PARD3: variants seen among roughly 807,000 people sequenced by gnomAD.
PARD3 encodes par-3 family cell polarity regulator.
PARD3 carries 75 observed loss-of-function variants against 155.4 expected under a neutral mutation model. The ratio of observed to expected loss-of-function variants is 0.48; its 90% CI spans 0.40 to 0.58. The LOEUF is 0.58. Ranked by LOEUF, PARD3 falls within the 20% of genes least tolerant of loss-of-function variation. The pLI is 0.00. For missense variants in PARD3, 1,642 were observed against 1,721.7 expected, an observed-to-expected ratio of 0.95 and a Z score of 0.82; for synonymous variants, 576 against 610.5, an observed-to-expected ratio of 0.94 and a Z score of 0.83.
rs142738209 is a variant in PARD3, at chr10:34,388,474, C to T, written c.891-4220G>A. ...TTCCTGAAAAATGTGTGCTCGCGAG[C>T]AGATACATTTCCATAGCCCTCATTT... On this transcript the variant is annotated intron_variant, in intron 7 of 24. Transcript: ENST00000374788. Among the ~76,000 whole-genome samples the T allele has an allele frequency of 3.6e-3, 552 of 152,228 alleles. 2 individuals carry two copies. The highest frequency in any genetic ancestry group is 0.013 in the African/African-American group (526 of 41,530).
intron 22 of PARD3, among the ~76,000 whole-genome samples, chr10:34,159,663 T>C (rs148921528): frequency 0.015 from 2,335 of 152,352 alleles, 19 homozygotes; most frequent in Non-Finnish European, 0.026. Flanking sequence ...TCCTTATCCA[T>C]TAGTGTATCT....
chr10:34,300,681 T>C (rs574921863), intron 20 of PARD3, among the ~76,000 whole-genome samples: 2 of 152,170 alleles, frequency 1.3e-5, no homozygotes, highest in African/African-American at 4.8e-5. Context: ...AGCTTGGACT[T>C]TGACAAAACA....
intron 2 of PARD3, among the ~76,000 whole-genome samples, chr10:34,590,689 G>A (rs2088598067): frequency 1.3e-5 from 2 of 152,052 alleles, no homozygotes; most frequent in Non-Finnish European, 2.9e-5. Context: ...TCACACTTAG[G>A]GCATCCTTCC....
At chr10:34,315,188 G>A (rs1957935105) in intron 20 of PARD3, among the ~76,000 whole-genome samples, 1 of 152,158 alleles carries the variant, frequency 6.6e-6, no homozygotes, top group Admixed American at 6.5e-5. Context: ...AAAGCATCAT[G>A]TAATGCTTGA....
intron 22 of PARD3, among the ~76,000 whole-genome samples, chr10:34,232,184 C>G (rs1051016496): frequency 6.6e-6 from 1 of 152,080 alleles, no homozygotes; most frequent in Non-Finnish European, 1.5e-5. Flanking sequence ...ATAGCAATAT[C>G]TAAATTATAC....
intron 19 of PARD3, among the ~76,000 whole-genome samples, chr10:34,326,126 A>T (rs1222065633): frequency 8.1e-6 from 1 of 123,966 alleles, no homozygotes; most frequent in African/African-American, 3.6e-5. Context: ...CACTCTTTCT[A>T]AAAAAAAAAA....
At chr10:34,164,224 T>G (rs1949418230) in intron 22 of PARD3, among the ~76,000 whole-genome samples, 2 of 152,174 alleles carry the variant, frequency 1.3e-5, no homozygotes, top group Admixed American at 6.5e-5. Context: ...TGTAACAACT[T>G]TGAAAGATGA....
intron 1 of PARD3, among the ~76,000 whole-genome samples, chr10:34,777,935 C>T (rs1839797359): frequency 6.6e-6 from 1 of 151,888 alleles, no homozygotes; most frequent in African/African-American, 2.4e-5. Context: ...CGCAAGGAGG[C>T]CTTTGGGAAA....
chr10:34,231,193 T>C (rs79064671), intron 22 of PARD3, among the ~76,000 whole-genome samples: 6,240 of 145,152 alleles, frequency 0.043, 496 homozygotes, highest in African/African-American at 0.15. Flanking sequence ...TACTCTATTC[T>C]TACAGGAAAA....
intron 22 of PARD3, among the ~76,000 whole-genome samples, chr10:34,147,670 C>T (rs1948581903): frequency 6.6e-6 from 1 of 151,430 alleles, no homozygotes; most frequent in African/African-American, 2.4e-5. Flanking sequence ...GAAAAAAATC[C>T]CAACTTAATA....
chr10:34,704,716 C>A (rs2133570068), intron 1 of PARD3, among the ~76,000 whole-genome samples: 1 of 152,312 alleles, frequency 6.6e-6, no homozygotes. Context: ...GTAGTGCTAT[C>A]TGATCATGTG....
intron 3 of PARD3, 44 bp downstream of exon 3, chr10:34,516,935 G>A: frequency 6.4e-7 from 1 of 1,565,136 alleles, no homozygotes; most frequent in Non-Finnish European, 8.8e-7. Flanking sequence ...TGGTATTCCT[G>A]TAAATTAAGA....
At chr10:34,145,217 ATATATT>A (rs1465040286) in intron 22 of PARD3, among the ~76,000 whole-genome samples, 52 of 57,944 alleles carry the variant, frequency 9.0e-4, no homozygotes, top group African/African-American at 3.2e-3. Context: ...ATATATATAT[ATATATT>A]TTTTTTTTTT....
At chr10:34,524,680 C>G (rs2082359621) in intron 2 of PARD3, among the ~76,000 whole-genome samples, 1 of 152,198 alleles carries the variant, frequency 6.6e-6, no homozygotes, top group Admixed American at 6.5e-5. Flanking sequence ...CACTGGTATC[C>G]ACCCATGAGG....
At chr10:34,193,654 G>A (rs1033654456) in intron 22 of PARD3, among the ~76,000 whole-genome samples, 4 of 152,158 alleles carry the variant, frequency 2.6e-5, no homozygotes, top group African/African-American at 9.7e-5. Context: ...TTTTAGCAAT[G>A]GGTAGTTTAT....
Position 34,363,924 on chromosome 10 carries a change from C to T in PARD3, c.1708-3665G>A, listed in dbSNP as rs111374578. On this transcript the variant is annotated intron_variant, in intron 12 of 24. Transcript: ENST00000374788. Reference sequence around the variant, plus strand: ...TAAAAGGGCACCTTTGCTAAGGAACCTGCTGAATGGGTATTGTGAAAGCTA... The same window carrying T: ...TAAAAGGGCACCTTTGCTAAGGAACTTGCTGAATGGGTATTGTGAAAGCTA... Among the ~76,000 whole-genome samples, 1,370 of 152,266 alleles carry T rather than the reference C, an allele frequency of 9.0e-3. 19 individuals carry two copies. Among genetic ancestry groups the T allele is most frequent in the African/African-American group, 0.031 (1,302 of 41,552 alleles).
At chr10:34,510,011 T>C (rs1051752183) in intron 3 of PARD3, among the ~76,000 whole-genome samples, 2 of 152,226 alleles carry the variant, frequency 1.3e-5, no homozygotes, top group Non-Finnish European at 2.9e-5. Flanking sequence ...TTTCAGCTCA[T>C]TGATATATCT....
chr10:34,476,549 T>G (rs901568437), intron 3 of PARD3, among the ~76,000 whole-genome samples: 1 of 152,188 alleles, frequency 6.6e-6, no homozygotes, highest in Admixed American at 6.5e-5. Flanking sequence ...AGACCTGTGA[T>G]ACTGGCACAT....
At chr10:34,793,459 C>G (rs1268014971) in intron 1 of PARD3, among the ~76,000 whole-genome samples, 1 of 152,154 alleles carries the variant, frequency 6.6e-6, no homozygotes, top group Non-Finnish European at 1.5e-5. Context: ...GTTCTCTGTA[C>G]TAGTCAGGGA....
Sources: allele counts gnomAD v4.1 joint callset (sites outside exome capture counted in the v4.1 genomes callset), GRCh38; gene constraint gnomAD v4.1.1; transcripts MANE v1.5; gene names NCBI Gene and HGNC (gene_info 2026-07-23, HGNC 2026-07-21).